Variants in SCN2A observed in about 807,000 individuals in gnomAD.
SCN2A encodes sodium channel protein type 2 subunit alpha.
SCN2A carries 20 observed loss-of-function variants against 188.7 expected under a neutral mutation model. That is an observed-to-expected ratio of 0.11 (90% CI 0.07 to 0.15). SCN2A has a LOEUF of 0.15. Among genes scored for constraint, SCN2A ranks in the 10% least tolerant of loss-of-function variants. SCN2A has a pLI of 1.00. For synonymous variants in SCN2A, 804 were observed against 833.1 expected (o/e 0.97, Z 0.60); for missense variants, 1,278 against 2,445.0 (o/e 0.52, Z 10.07).
intron 17 of SCN2A, among the ~76,000 whole-genome samples, chr2:165,357,937 C>A (rs1266372709): frequency 6.6e-6 from 1 of 152,098 alleles, no homozygotes; most frequent in Non-Finnish European, 1.5e-5. Context: ...TACTCAGCTA[C>A]GTTCCTTGCC....
chr2:165,342,820 G>A (rs1041502473), intron 15 of SCN2A, among the ~76,000 whole-genome samples: 6 of 152,152 alleles, frequency 3.9e-5, no homozygotes, highest in African/African-American at 1.4e-4. Context: ...TGGGACCTAG[G>A]ATGAGCTCCC....
intron 17 of SCN2A, among the ~76,000 whole-genome samples, chr2:165,355,434 T>C (rs1700130115): frequency 6.6e-6 from 1 of 152,196 alleles, no homozygotes; most frequent in Admixed American, 6.5e-5. Context: ...GCTATTAACC[T>C]GTTGCTCAAT....
At chr2:165,292,185 G>A (rs1696249800) in intron 1 of SCN2A, among the ~76,000 whole-genome samples, 2 of 152,080 alleles carry the variant, frequency 1.3e-5, no homozygotes. Flanking sequence ...ATAAACTCCT[G>A]TCTTTATTTA....
At chr2:165,342,521 C>T in intron 15 of SCN2A, 52 bp downstream of exon 15, 1 of 1,569,242 alleles carries the variant, frequency 6.4e-7, no homozygotes, top group Middle Eastern at 1.7e-4. Flanking sequence ...AATTAGTCTT[C>T]ATTCTCATCT....
chr2:165,372,324 C>G (rs1193716425), intron 20 of SCN2A: 1 of 152,004 alleles, frequency 6.6e-6, no homozygotes, highest in African/African-American at 2.4e-5. Context: ...TTTTTTGTAA[C>G]AACTTTCAAT....
At chr2:165,277,728 T>G (rs938709373) in intron 1 of SCN2A, among the ~76,000 whole-genome samples, 1 of 152,230 alleles carries the variant, frequency 6.6e-6, no homozygotes, top group Non-Finnish European at 1.5e-5. Flanking sequence ...CTTCAACATA[T>G]TTTATCAACA....
chr2:165,380,321 G>A lies in SCN2A; in HGVS notation c.4309-271G>A, dbSNP rs879020002. The stretch of plus-strand genomic sequence containing the variant: ...TGTGTTGGGAACTTTGCTTAGAAAG[G>A]AAAGTGCATTCATAATCTGGGCATT... On this transcript the variant is annotated intron_variant, in intron 23 of 26. Coordinates refer to ENST00000375437, the MANE Select transcript of SCN2A (RefSeq NM_001040142.2). Among the ~76,000 whole-genome samples the A allele has an allele frequency of 5.3e-5, 8 of 150,776 alleles. No individual in the cohort carries two copies. The Admixed American group carries it at 5.3e-4, about 10-fold the overall frequency.
intron 14 of SCN2A, among the ~76,000 whole-genome samples, chr2:165,335,296 A>G (rs1453420629): frequency 6.6e-6 from 1 of 151,728 alleles, no homozygotes; most frequent in African/African-American, 2.4e-5. Flanking sequence ...TATATGCCAC[A>G]CAATCTTAAC....
intron 7 of SCN2A, 30 bp downstream of exon 7, chr2:165,310,625 G>A (rs767130059): frequency 1.6e-5 from 24 of 1,512,460 alleles, no homozygotes; most frequent in Non-Finnish European, 2.0e-5. Flanking sequence ...CCATTAAGTT[G>A]TTTAGTTCTC....
intron 14 of SCN2A, among the ~76,000 whole-genome samples, chr2:165,333,410 C>T (rs562709434): frequency 1.9e-3 from 279 of 150,340 alleles, no homozygotes; most frequent in African/African-American, 6.7e-3. Flanking sequence ...GGTCATAAAA[C>T]ACACATCAAT....
At chr2:165,382,276 T>C (rs1461642512) in intron 25 of SCN2A, among the ~76,000 whole-genome samples, 1 of 152,070 alleles carries the variant, frequency 6.6e-6, no homozygotes, top group Non-Finnish European at 1.5e-5. Flanking sequence ...TTTGTTCTAA[T>C]TAAGCAATAC....
At chr2:165,265,468 GATCTATATATATATAT>G (rs1460636552) in intron 1 of SCN2A, among the ~76,000 whole-genome samples, 113 of 19,780 alleles carry the variant, frequency 5.7e-3, no homozygotes, top group Middle Eastern at 0.026. Flanking sequence ...TTACTCTGTT[GATCTATATATATATAT>G]ATATATATAT....
intron 1 of SCN2A, among the ~76,000 whole-genome samples, chr2:165,256,630 C>G (rs1315141718): frequency 6.6e-6 from 1 of 152,166 alleles, no homozygotes; most frequent in East Asian, 1.9e-4. Context: ...ATGAATTTAA[C>G]TATTTTTACA....
Position 165,331,410 on chromosome 2 carries a change from C to T in SCN2A, c.2230C>T (p.Pro744Ser), listed in dbSNP as rs1245585004. The change falls in exon 14 of 27, where the codon CCA (proline) becomes TCA (serine). Residue 744 changes from proline to serine, a missense_variant. Physicochemically the swap from Pro to Ser is moderately conservative, Grantham distance 74 (BLOSUM62 -1). This residue lies in a region of SCN2A where 315 missense variants were observed against 386.6 expected (regional missense o/e 0.81). Transcript: ENST00000375437. ...GTGTTTGATTTGGGACTGTTGTAAA[C>T]CATGGTTAAAGGTGAAACACCTTGT... The part of the protein sequence containing the change: ...NMCLIWDCCK[P>S]WLKVKHLVNL... 6 of 1,613,700 alleles carry T rather than the reference C, an allele frequency of 3.7e-6. No homozygotes were observed. Among genetic ancestry groups the T allele is most frequent in the Non-Finnish European group, 5.1e-6 (6 of 1,179,792 alleles).
chr2:165,285,862 G>C (rs353134), intron 1 of SCN2A: 187,251 of 193,314 alleles, frequency 0.97, 90,963 homozygotes, highest in East Asian at 1. Context: ...TTGAAACTTG[G>C]CATTGAAGCC....
At chr2:165,242,051 T>C (rs1693647120) in intron 1 of SCN2A, among the ~76,000 whole-genome samples, 1 of 152,118 alleles carries the variant, frequency 6.6e-6, no homozygotes, top group African/African-American at 2.4e-5. Flanking sequence ...TTATTTTTTT[T>C]CCCCTGGGGC....
rs1409376152 is a variant in SCN2A at position 165,331,457 on chromosome 2, A to G, written c.2277A>G (p.Pro759=). 1 of 1,613,736 alleles carries G rather than the reference A, an allele frequency of 6.2e-7. No homozygotes were observed. Among genetic ancestry groups the G allele is most frequent in the Non-Finnish European group, 8.5e-7 (1 of 1,179,798 alleles). The change falls in exon 14 of 27, where the codon CCA becomes CCG. Residue 759 remains proline, a synonymous_variant. Transcript: ENST00000375437. ...TTGTCAACCTGGTTGTAATGGACCC[A>G]TTTGTTGACCTGGCCATCACCATCT... ...KHLVNLVVMD[P]FVDLAITICI...
intron 1 of SCN2A, among the ~76,000 whole-genome samples, chr2:165,253,135 G>A (rs774077996): frequency 6.6e-6 from 1 of 152,022 alleles, no homozygotes. Flanking sequence ...TGAAAGGATA[G>A]GGGGGTTCTT....
chr2:165,263,612 G>C (rs779286181), intron 1 of SCN2A, among the ~76,000 whole-genome samples: 14 of 152,008 alleles, frequency 9.2e-5, no homozygotes, highest in Non-Finnish European at 2.1e-4. Flanking sequence ...TGCTGTTTTG[G>C]TGACTATAGC....
Sources: gnomAD v4.1 joint callset for allele counts (sites outside exome capture counted in the v4.1 genomes callset) on GRCh38, gnomAD v4.1.1 for gene constraint, gnomAD v4.1.1 regional missense constraint, MANE v1.5 for transcripts, NCBI Gene and HGNC (gene_info 2026-07-23, HGNC 2026-07-21) for gene names.